KIF26B: variants seen among roughly 807,000 people sequenced by gnomAD.
KIF26B encodes kinesin family member 26B, also known as kinesin-like protein KIF26B.
Under a neutral mutation model 151.2 loss-of-function variants are expected in KIF26B, and 63 were observed. That is an observed-to-expected ratio of 0.42 (90% confidence interval 0.34 to 0.51). KIF26B has a LOEUF of 0.51. Ranked by LOEUF, KIF26B falls within the 20% of genes least tolerant of loss-of-function variation. KIF26B has a pLI of 0.07. For missense variants in KIF26B, 2,813 were observed against 2,913.6 expected, an observed-to-expected ratio of 0.97 and a Z score of 0.79; for synonymous variants, 1,357 against 1,262.1, an observed-to-expected ratio of 1.08 and a Z score of -1.59.
chr1:245,590,334 G>A (rs1234228798), intron 5 of KIF26B, among the ~76,000 whole-genome samples: 3 of 152,170 alleles, frequency 2.0e-5, no homozygotes, highest in Non-Finnish European at 2.9e-5. Context: ...CGGCCAACGC[G>A]GAAATGGGCC....
intron 4 of KIF26B, among the ~76,000 whole-genome samples, chr1:245,428,454 A>G (rs1658698561): frequency 6.6e-6 from 1 of 152,180 alleles, no homozygotes; most frequent in East Asian, 1.9e-4. Flanking sequence ...GAAAGCACAG[A>G]AGGAAAAGTG....
In KIF26B at chr1:245,364,867, G is replaced by GA. The variant is rs370802817; in HGVS notation, c.466-1959dup. Among the ~76,000 whole-genome samples, 12 of 151,762 alleles carry GA rather than the reference G, an allele frequency of 7.9e-5. No individual in the cohort carries two copies. In the South Asian group the frequency reaches 8.4e-4, roughly 11 times the overall value. On this transcript the variant is annotated intron_variant, in intron 2 of 14. Transcript: ENST00000407071. ...TGAGAGCATAAGCCATTGCTTATGT[G>GA]AAAAAAAACAAGAAACTGTATCTTT...
Position 245,646,870 on chromosome 1 carries a change from T to C in KIF26B, c.2258+590T>C, listed in dbSNP as rs181290224. On this transcript the variant is annotated intron_variant, in intron 10 of 14. Coordinates refer to ENST00000407071, the MANE Select transcript of KIF26B (RefSeq NM_018012.4). ...GTTTAGTCACTTCCAGGATCCTTCC[T>C]GTCTCTTTACTACTGCTCCAATTAA... 3.6e-3 allele frequency among the ~76,000 whole-genome samples: 543 copies of C among 152,292 alleles called. 2 individuals carry two copies. The highest frequency in any genetic ancestry group is 0.012 in the African/African-American group (503 of 41,556).
At chr1:245,372,268 C>T (rs574966661) in intron 3 of KIF26B, among the ~76,000 whole-genome samples, 37 of 152,304 alleles carry the variant, frequency 2.4e-4, no homozygotes, top group African/African-American at 7.7e-4. Flanking sequence ...TGAGGTGGAG[C>T]AGTTTCATCC....
Position 245,660,312 on chromosome 1 carries a change from T to C in KIF26B, c.2258+14032T>C, listed in dbSNP as rs1489385574. Among the ~76,000 whole-genome samples the C allele has an allele frequency of 1.4e-5, 2 of 146,260 alleles. 1 individual carries two copies. Among genetic ancestry groups the C allele is most frequent in the Non-Finnish European group, 3.0e-5 (2 of 67,640 alleles). On this transcript the variant is annotated intron_variant, in intron 10 of 14. Coordinates refer to ENST00000407071, the MANE Select transcript of KIF26B (RefSeq NM_018012.4). ...AAGTTCTGGGCATGTTCATTTGCCA[T>C]TTATTAATTTCTGTTCTTTGCTATT...
intron 2 of KIF26B, among the ~76,000 whole-genome samples, chr1:245,308,725 A>G (rs1233266623): frequency 6.6e-6 from 1 of 152,132 alleles, no homozygotes; most frequent in African/African-American, 2.4e-5. Context: ...GCAACAGAAT[A>G]AGACCCTGTC....
intron 9 of KIF26B, among the ~76,000 whole-genome samples, chr1:245,643,663 T>C: frequency 6.6e-6 from 1 of 152,202 alleles, no homozygotes; most frequent in East Asian, 1.9e-4. Context: ...AAGCTCTTCA[T>C]TCCTTTGTCT....
At chr1:245,542,615 G>A (rs906929246) in intron 5 of KIF26B, among the ~76,000 whole-genome samples, 1 of 152,252 alleles carries the variant, frequency 6.6e-6, no homozygotes, top group Non-Finnish European at 1.5e-5. Context: ...GGGAGCCCCC[G>A]AGGAGGGGCC....
chr1:245,672,135 TG>T (rs1236344335), intron 10 of KIF26B, among the ~76,000 whole-genome samples: 1 of 151,824 alleles, frequency 6.6e-6, no homozygotes, highest in Non-Finnish European at 1.5e-5. Context: ...ATAACAGTCT[TG>T]GTGGCATTGG....
chr1:245,455,474 A>G (rs569621743), intron 4 of KIF26B, among the ~76,000 whole-genome samples: 1 of 152,308 alleles, frequency 6.6e-6, no homozygotes, highest in African/African-American at 2.4e-5. Flanking sequence ...ACTGCTCTCC[A>G]GCCTGGTGAC....
intron 4 of KIF26B, among the ~76,000 whole-genome samples, chr1:245,425,626 C>G: frequency 6.6e-6 from 1 of 152,156 alleles, no homozygotes; most frequent in East Asian, 1.9e-4. Context: ...AAGATGGTCT[C>G]GATCTCCTGA....
At chr1:245,571,862 A>G (rs1309499147) in intron 5 of KIF26B, among the ~76,000 whole-genome samples, 1 of 152,162 alleles carries the variant, frequency 6.6e-6, no homozygotes, top group African/African-American at 2.4e-5. Context: ...TCCTGGAGAA[A>G]TCAGGCGCTT....
At chr1:245,159,997 T>C (rs183644401) in intron 2 of KIF26B, among the ~76,000 whole-genome samples, 2 of 152,324 alleles carry the variant, frequency 1.3e-5, no homozygotes, top group East Asian at 3.9e-4. Flanking sequence ...AGTTTGGTTT[T>C]CCATGCAGCG....
intron 2 of KIF26B, among the ~76,000 whole-genome samples, chr1:245,229,070 G>A (rs759396982): frequency 1.6e-4 from 24 of 152,130 alleles, no homozygotes; most frequent in Non-Finnish European, 2.5e-4. Context: ...AGGTTCAAGC[G>A]ATTCACATGT....
chr1:245,222,385 C>T (rs1406037889), intron 2 of KIF26B, among the ~76,000 whole-genome samples: 2 of 152,048 alleles, frequency 1.3e-5, no homozygotes, highest in African/African-American at 4.8e-5. Context: ...TGCAGTGTGT[C>T]GAGATCGTAC....
intron 2 of KIF26B, among the ~76,000 whole-genome samples, chr1:245,190,625 G>A (rs180747531): frequency 8.7e-5 from 11 of 125,806 alleles, no homozygotes; most frequent in Admixed American, 8.1e-4. Context: ...AGTTTTCCCT[G>A]AATGTTTTGT....
chr1:245,433,943 G>A (rs1658842033), intron 4 of KIF26B, among the ~76,000 whole-genome samples: 1 of 151,994 alleles, frequency 6.6e-6, no homozygotes, highest in African/African-American at 2.4e-5. Context: ...TTGGGGGTCT[G>A]TAGTGAAAAG....
chr1:245,652,060 T>A (rs2044021900), intron 10 of KIF26B, among the ~76,000 whole-genome samples: 1 of 151,876 alleles, frequency 6.6e-6, no homozygotes, highest in East Asian at 1.9e-4. Flanking sequence ...GTTCTCCAGA[T>A]TTGTTTAAGA....
chr1:245,188,472 C>T (rs1669039378), intron 2 of KIF26B, among the ~76,000 whole-genome samples: 1 of 152,022 alleles, frequency 6.6e-6, no homozygotes, highest in Non-Finnish European at 1.5e-5. Context: ...GACTGAATAG[C>T]TCAATTCAGA....
Sources: allele counts gnomAD v4.1 joint callset (sites outside exome capture counted in the v4.1 genomes callset), GRCh38; gene constraint gnomAD v4.1.1; transcripts MANE v1.5; gene names NCBI Gene and HGNC (gene_info 2026-07-23, HGNC 2026-07-21).